TNFSF14: variants seen among roughly 807,000 people sequenced by gnomAD.
TNFSF14 encodes the protein TNF superfamily member 14.
TNFSF14 carries 15 observed loss-of-function variants against 22.7 expected under a neutral mutation model. That is an observed-to-expected ratio of 0.66 (90% CI 0.44 to 1.02). The LOEUF (loss-of-function observed/expected upper bound fraction) is 1.02. TNFSF14 is among the 50% of genes least tolerant of loss of function. The pLI, the probability that TNFSF14 is intolerant of heterozygous loss-of-function variation, is 0.00. For synonymous variants in TNFSF14, 133 were observed against 139.6 expected (o/e 0.95, Z 0.33); for missense variants, 287 against 326.2 (o/e 0.88, Z 0.93).
At chr19:6,666,317 G>A (rs1917425209) in intron 3 of TNFSF14, among the ~76,000 whole-genome samples, 2 of 150,038 alleles carry the variant, frequency 1.3e-5, no homozygotes, top group Admixed American at 6.7e-5. Flanking sequence ...TGGGAGGATC[G>A]CTTGCACCTG....
In TNFSF14 at chr19:6,664,848, G is replaced by A. The variant is rs555253143; in HGVS notation, c.*78C>T. ...AGCCACCACGCCCAGCCTCTGCTTC[G>A]TGAGTTTTCTTTCCCCTGAGGCACC... is the stretch of plus-strand genomic sequence containing the variant. On this transcript the variant is annotated 3_prime_UTR_variant, in exon 4 of 4. Coordinates refer to ENST00000675206, the MANE Select transcript of TNFSF14 (RefSeq NM_001376887.1). This position sits in a 1 kb window ranked among gnomAD's most constrained non-coding sequence, Gnocchi z 4.7. 55 of 1,497,650 alleles carry A rather than the reference G, an allele frequency of 3.7e-5. No homozygotes were observed. Among genetic ancestry groups the A allele is most frequent in the Non-Finnish European group, 4.6e-5 (52 of 1,119,658 alleles). 92.8% of individuals were successfully genotyped at this position (1,497,650 alleles called of 1,614,324 possible).
In TNFSF14 at chr19:6,670,109, T is replaced by C; in HGVS notation, c.-40A>G. 6.2e-7 allele frequency: 1 copy of C among 1,604,556 alleles called. No homozygotes were observed. Among genetic ancestry groups the C allele is most frequent in the Non-Finnish European group, 8.5e-7 (1 of 1,172,110 alleles). On this transcript the variant is annotated 5_prime_UTR_variant, in exon 1 of 4. Coordinates refer to ENST00000675206, the MANE Select transcript of TNFSF14 (RefSeq NM_001376887.1). Reference sequence around the variant, plus strand: ...GAGCAGGGCTGACACGCCTGGGTCCTTCAACCTCAGAGGAAACCGAAATTG... The same window carrying C: ...GAGCAGGGCTGACACGCCTGGGTCCCTCAACCTCAGAGGAAACCGAAATTG...
Position 6,670,091 on chromosome 19 carries a change from G to A in TNFSF14, c.-22C>T. The A allele has an allele frequency of 1.2e-6, 2 of 1,609,764 alleles. No homozygotes were observed. The highest frequency in any genetic ancestry group is 2.7e-5 in the African/African-American group (2 of 74,940). ...CCATGCCCAAGGTGTCTGGAGCAGG[G>A]CTGACACGCCTGGGTCCTTCAACCT... On this transcript the variant is annotated 5_prime_UTR_variant, in exon 1 of 4. Coordinates refer to ENST00000675206, the MANE Select transcript of TNFSF14 (RefSeq NM_001376887.1).
intron 2 of TNFSF14, 30 bp from the exon 3 acceptor site, chr19:6,667,184 G>A (rs758900663): frequency 1.2e-5 from 19 of 1,544,688 alleles, no homozygotes; most frequent in Admixed American, 8.5e-5. Context: ...GGTTAGAGAC[G>A]AAGACAGTGG....
chr19:6,665,558 G>A (rs140343644), intron 3 of TNFSF14, among the ~76,000 whole-genome samples: 5,278 of 152,122 alleles, frequency 0.035, 127 homozygotes, highest in South Asian at 0.056. Context: ...ACAGGTGCCC[G>A]CCACCGCACC....
chr19:6,670,172 C>A (rs1280852769), upstream of TNFSF14: 25 of 1,507,652 alleles, frequency 1.7e-5, no homozygotes, highest in Middle Eastern at 3.8e-4. Context: ...CGGACAGGCA[C>A]CCGTGGGCCG....
chr19:6,665,055 C>G lies in TNFSF14; in HGVS notation c.594G>C (p.Trp198Cys). The stretch of plus-strand genomic sequence containing the variant: ...CCACACCACCCAGGAAGCTGCTGTC[C>G]CACCAGACCCGGGAGCTGCTGGTGG... The part of the protein sequence containing the change: ...GRATSSSRVW[W>C]DSSFLGGVVH... Residue 198 changes from tryptophan to cysteine, a missense_variant, in exon 4 of 4, where the codon TGG (tryptophan) becomes TGC (cysteine). By Grantham distance (215) the Trp-to-Cys change is radical (BLOSUM62 -2). Coordinates refer to ENST00000675206, the MANE Select transcript of TNFSF14 (RefSeq NM_001376887.1). 2 of 1,614,164 alleles carry G rather than the reference C, an allele frequency of 1.2e-6. No individual in the cohort carries two copies. Among genetic ancestry groups the G allele is most frequent in the Non-Finnish European group, 1.7e-6 (2 of 1,179,992 alleles).
chr19:6,664,705 A>C lies in TNFSF14; in HGVS notation c.*221T>G. On this transcript the variant is annotated 3_prime_UTR_variant, in exon 4 of 4. Transcript: ENST00000675206. This position sits in a 1 kb window ranked among gnomAD's most constrained non-coding sequence, Gnocchi z 4.7. ...CAGGCAGGCACCACCACGTCCGGCT[A>C]ATTTTTGTATTTTTAGTAGAGATGG... 2 of 425,690 alleles carry C rather than the reference A, an allele frequency of 4.7e-6. No individual in the cohort carries two copies. Among genetic ancestry groups the C allele is most frequent in the Non-Finnish European group, 8.4e-6 (2 of 239,516 alleles). 26.4% of individuals were successfully genotyped at this position (425,690 alleles called of 1,614,324 possible).
chr19:6,669,806 G>GC lies in TNFSF14; in HGVS notation c.219+44dup, dbSNP rs558248152. On this transcript the variant is annotated intron_variant, in intron 1 of 3. Coordinates refer to ENST00000675206, the MANE Select transcript of TNFSF14 (RefSeq NM_001376887.1). ...CAGTGACCCACAATGACACAGGGGA[G>GC]CCCCCCTCACCTCCACCTGCTCTCA... 1.9e-4 allele frequency: 304 copies of GC among 1,596,906 alleles called. No homozygotes were observed. The African/African-American group carries it at 3.6e-3, about 19-fold the overall frequency.
rs60918571 is a variant in TNFSF14 at position 6,663,424 on chromosome 19, ATGT to A, written c.*1499_*1501del. On this transcript the variant is annotated 3_prime_UTR_variant, in exon 4 of 4. Transcript: ENST00000675206. The stretch of plus-strand genomic sequence containing the variant: ...TGTGTAATGTGTGTTTGTCATCGTG[ATGT>A]TGTGTGTGTAATGTGTGTTTGTCAT... The A allele has an allele frequency of 0.057, 8,350 of 147,694 alleles. 287 individuals are homozygous for A. Among genetic ancestry groups the A allele is most frequent in the African/African-American group, 0.094 (3,725 of 39,638 alleles). 9.1% of individuals were successfully genotyped at this position (147,694 alleles called of 1,614,324 possible). A position where few individuals can be genotyped will look rare whatever the true frequency, so the allele number is the denominator to read the frequency against.
At position 6,663,378 on chromosome 19, in the gene TNFSF14, G is replaced by C. The variant is rs1917301456; in HGVS notation, c.*1548C>G. On this transcript the variant is annotated 3_prime_UTR_variant, in exon 4 of 4. Coordinates refer to ENST00000675206, the MANE Select transcript of TNFSF14 (RefSeq NM_001376887.1). ...TCATTGTGATGTGTGTGTAATGTGT[G>C]TTTGTCATCGTGATGTTGTGTGTGT... 6.6e-6 allele frequency: 1 copy of C among 151,474 alleles called. No homozygotes were observed. Among genetic ancestry groups the C allele is most frequent in the Non-Finnish European group, 1.5e-5 (1 of 67,880 alleles). 9.4% of individuals were successfully genotyped at this position (151,474 alleles called of 1,614,324 possible). A position where few individuals can be genotyped will look rare whatever the true frequency, so the allele number is the denominator to read the frequency against.
chr19:6,670,444 G>A (rs1033831270), upstream of TNFSF14: 6 of 295,752 alleles, frequency 2.0e-5, no homozygotes, highest in Non-Finnish European at 2.9e-5. Flanking sequence ...CTCGGTGTGG[G>A]GGATGCAGCA....
intron 3 of TNFSF14, among the ~76,000 whole-genome samples, chr19:6,665,805 G>A (rs1039453848): frequency 1.3e-5 from 2 of 151,598 alleles, no homozygotes; most frequent in African/African-American, 4.9e-5. Flanking sequence ...GTGTGTGTGT[G>A]TGTGTGTGTG....
At chr19:6,667,798 C>T (rs1917474740) in intron 1 of TNFSF14, among the ~76,000 whole-genome samples, 2 of 152,078 alleles carry the variant, frequency 1.3e-5, no homozygotes, top group African/African-American at 4.8e-5. Context: ...CCCAGCACTT[C>T]GGGAGGCCGA....
In TNFSF14 at chr19:6,669,737, TACACACACACACACACAC is replaced by T. The variant is rs34381198; in HGVS notation, c.219+96_219+113del. 5.4e-5 allele frequency: 67 copies of T among 1,231,944 alleles called. No homozygotes were observed. The African/African-American group carries it at 8.3e-4, about 15-fold the overall frequency. The allele number at this position is 1,231,944 out of a possible 1,614,324, so 76.3% of individuals were successfully genotyped here. On this transcript the variant is annotated intron_variant, in intron 1 of 3. Transcript: ENST00000675206. ...GCTGCTCTCAGCCTGTGCCCTGTCC[TACACACACACACACACAC>T]ACACACACACACACACACAGACACA...
At chr19:6,667,843 C>T (rs11882844) in intron 1 of TNFSF14, among the ~76,000 whole-genome samples, 2,317 of 152,174 alleles carry the variant, frequency 0.015, 53 homozygotes, top group African/African-American at 0.053. Flanking sequence ...GAGTTCGAGA[C>T]CAGCCTGGCC....
chr19:6,670,234 C>T (rs2145379368), upstream of TNFSF14: 1 of 1,438,730 alleles, frequency 7.0e-7, no homozygotes, highest in Non-Finnish European at 9.1e-7. Flanking sequence ...CCCTCCTCTT[C>T]TTCCGGTACC....
At position 6,667,341 on chromosome 19, in the gene TNFSF14, C is replaced by A. The variant is rs1917460703; in HGVS notation, c.256+72G>T. ...GGCCAGTTGTGCAAATCATATTGGGCAATTGACCGAGGGGTGGGGGTGGCA... is the reference window on the plus strand; with the variant it reads ...GGCCAGTTGTGCAAATCATATTGGGAAATTGACCGAGGGGTGGGGGTGGCA... On this transcript the variant is annotated intron_variant, in intron 2 of 3. Coordinates refer to ENST00000675206, the MANE Select transcript of TNFSF14 (RefSeq NM_001376887.1). 3 of 1,488,682 alleles carry A rather than the reference C, an allele frequency of 2.0e-6. No individual in the cohort carries two copies. The Admixed American group carries it at 7.8e-5, about 39-fold the overall frequency. 92.2% of individuals were successfully genotyped at this position (1,488,682 alleles called of 1,614,324 possible).
upstream of TNFSF14, chr19:6,670,354 G>C (rs1917571901): frequency 9.0e-7 from 1 of 1,110,352 alleles, no homozygotes. Flanking sequence ...GGAGCCCCCA[G>C]CTTTCCCTTC....
Sources: allele counts gnomAD v4.1 joint callset (sites outside exome capture counted in the v4.1 genomes callset), GRCh38; gene constraint gnomAD v4.1.1; non-coding constraint Gnocchi (gnomAD v3.1); transcripts MANE v1.5; gene names NCBI Gene and HGNC (gene_info 2026-07-23, HGNC 2026-07-21).